SLC8A3: variants seen among roughly 807,000 people sequenced by gnomAD.
SLC8A3 encodes sodium/calcium exchanger 3.
SLC8A3 carries 37 observed loss-of-function variants against 65.4 expected under a neutral mutation model. The observed-to-expected ratio is 0.57, with a 90% CI of 0.44 to 0.74. The LOEUF is 0.74. SLC8A3 is among the 30% of genes least tolerant of loss of function. The pLI, the probability that SLC8A3 is intolerant of heterozygous loss-of-function variation, is 0.00. For missense variants in SLC8A3, 1,112 were observed against 1,172.1 expected, an observed-to-expected ratio of 0.95 and a Z score of 0.75; for synonymous variants, 461 against 444.5, an observed-to-expected ratio of 1.04 and a Z score of -0.47.
chr14:70,106,401 G>A (rs1321534984), intron 2 of SLC8A3, among the ~76,000 whole-genome samples: 1 of 152,080 alleles, frequency 6.6e-6, no homozygotes. Flanking sequence ...TTGGATCTAA[G>A]TTTTATTGTA....
intron 2 of SLC8A3, among the ~76,000 whole-genome samples, chr14:70,095,520 G>A (rs941847948): frequency 5.9e-5 from 9 of 152,108 alleles, no homozygotes; most frequent in African/African-American, 1.4e-4. Context: ...CTTCCTTCCC[G>A]GCCTCCTTGC....
At chr14:70,095,943 G>A (rs8013996) in intron 2 of SLC8A3, among the ~76,000 whole-genome samples, 90 of 151,968 alleles carry the variant, frequency 5.9e-4, no homozygotes, top group African/African-American at 1.8e-3. Flanking sequence ...GTGCAGTGGC[G>A]CAATCTCTGC....
At chr14:70,138,021 G>A (rs1432507003) in intron 2 of SLC8A3, among the ~76,000 whole-genome samples, 2 of 152,086 alleles carry the variant, frequency 1.3e-5, no homozygotes, top group Non-Finnish European at 2.9e-5. Flanking sequence ...CACTCCCCAG[G>A]GAGGGAAAAT....
intron 2 of SLC8A3, among the ~76,000 whole-genome samples, chr14:70,144,681 T>C (rs770377675): frequency 6.6e-6 from 1 of 151,768 alleles, no homozygotes; most frequent in Non-Finnish European, 1.5e-5. Context: ...GCTCCAAACA[T>C]ATCTCCAAAA....
chr14:70,084,633 T>C (rs1891294228), intron 2 of SLC8A3, among the ~76,000 whole-genome samples: 1 of 152,172 alleles, frequency 6.6e-6, no homozygotes, highest in South Asian at 2.1e-4. Context: ...AGAGGGAATG[T>C]GGTGTTTTGG....
At chr14:70,126,545 A>C (rs922468176) in intron 2 of SLC8A3, among the ~76,000 whole-genome samples, 1 of 73,302 alleles carries the variant, frequency 1.4e-5, no homozygotes, top group Non-Finnish European at 3.1e-5. Context: ...GAAGAAAGAA[A>C]ATTCTCTCTC....
intron 2 of SLC8A3, among the ~76,000 whole-genome samples, chr14:70,083,569 C>A (rs1476984453): frequency 6.6e-6 from 1 of 152,218 alleles, no homozygotes; most frequent in South Asian, 2.1e-4. Context: ...TTGTTGCCTA[C>A]TATCAACTTC....
intron 2 of SLC8A3, among the ~76,000 whole-genome samples, chr14:70,117,173 C>T (rs1893726582): frequency 6.6e-6 from 1 of 152,344 alleles, no homozygotes; most frequent in East Asian, 1.9e-4. Context: ...TCTTGGTGCC[C>T]AATGTGGCTG....
At chr14:70,133,170 C>T (rs1309147464) in intron 2 of SLC8A3, among the ~76,000 whole-genome samples, 1 of 152,050 alleles carries the variant, frequency 6.6e-6, no homozygotes, top group Non-Finnish European at 1.5e-5. Flanking sequence ...GGCTTGGTAC[C>T]TGTAATAAAA....
chr14:70,046,034 G>A lies in SLC8A3; in HGVS notation c.2679C>T (p.Leu893=), dbSNP rs1179509835. Residue 893 remains leucine (L), a synonymous_variant, in exon 7 of 7, where the codon CTC becomes CTT. Coordinates refer to ENST00000356921, the MANE Select transcript of SLC8A3 (RefSeq NM_182932.3). This position sits in a 1 kb window ranked among gnomAD's most constrained non-coding sequence, Gnocchi z 4.2. ...GGCTCACAAAGAGCCATGTTGTGGC[G>A]AGCTTGCAGCCACGGGGGCCACCAA... The part of the protein sequence containing the change: ...GELGGPRGCK[L]ATTWLFVSLW... 8 of 1,613,724 alleles carry A rather than the reference G, an allele frequency of 5.0e-6. No individual in the cohort carries two copies. Among genetic ancestry groups the A allele is most frequent in the South Asian group, 1.1e-5 (1 of 91,036 alleles).
At chr14:70,063,498 G>A (rs1889053478) in intron 2 of SLC8A3, among the ~76,000 whole-genome samples, 1 of 152,204 alleles carries the variant, frequency 6.6e-6, no homozygotes, top group Non-Finnish European at 1.5e-5. Context: ...GAAGCCAAGA[G>A]CCGCACATGA....
chr14:70,159,230 A>C (rs887948056), intron 2 of SLC8A3, among the ~76,000 whole-genome samples: 3 of 152,040 alleles, frequency 2.0e-5, no homozygotes, highest in African/African-American at 7.2e-5. Flanking sequence ...CCAACATGGC[A>C]AAACCCCGTC....
At chr14:70,051,668 T>C (rs1887521595) in intron 4 of SLC8A3, among the ~76,000 whole-genome samples, 2 of 152,218 alleles carry the variant, frequency 1.3e-5, no homozygotes, top group African/African-American at 4.8e-5. Context: ...ATGATGTTAA[T>C]ATATCTTGCC....
chr14:70,084,462 A>T (rs565120756), intron 2 of SLC8A3, among the ~76,000 whole-genome samples: 1 of 152,190 alleles, frequency 6.6e-6, no homozygotes, highest in Admixed American at 6.5e-5. Context: ...AGCCAAGCTG[A>T]ACACATTTTT....
chr14:70,150,706 C>T (rs1896213237), intron 2 of SLC8A3, among the ~76,000 whole-genome samples: 1 of 152,174 alleles, frequency 6.6e-6, no homozygotes, highest in Admixed American at 6.5e-5. Flanking sequence ...AGGTAACATG[C>T]CTGCATTTTG....
chr14:70,184,966 C>CTTTTTTTTTTTTTTTTTTT (rs11337843), intron 1 of SLC8A3, among the ~76,000 whole-genome samples: 1 of 108,648 alleles, frequency 9.2e-6, no homozygotes, highest in Non-Finnish European at 2.0e-5. Flanking sequence ...TTTTTCTTTT[C>CTTTTTTTTTTTTTTTTTTT]TTTTTTTTTT....
chr14:70,144,450 C>G (rs974901958), intron 2 of SLC8A3, among the ~76,000 whole-genome samples: 1 of 149,866 alleles, frequency 6.7e-6, no homozygotes, highest in African/African-American at 2.5e-5. Flanking sequence ...GCCAACAGGG[C>G]AAAACCCCAT....
chr14:70,055,769 A>G, intron 3 of SLC8A3: 1 of 1,598,864 alleles, frequency 6.3e-7, no homozygotes, highest in Non-Finnish European at 8.5e-7. Flanking sequence ...AAGTGGAAAG[A>G]AAAGAGGGGG....
At position 70,045,468 on chromosome 14, in the gene SLC8A3, T is replaced by C. The variant is rs1033363914; in HGVS notation, c.*479A>G. ...GGCAAAACGAAAGCAACCACAATAA[T>C]GATTACAATGAAAAAAGAACCCCAC... On this transcript the variant is annotated 3_prime_UTR_variant, in exon 7 of 7. Coordinates refer to ENST00000356921, the MANE Select transcript of SLC8A3 (RefSeq NM_182932.3). 1.3e-5 allele frequency: 2 copies of C among 152,910 alleles called. No individual in the cohort carries two copies. The highest frequency in any genetic ancestry group is 2.9e-5 in the Non-Finnish European group (2 of 68,646). 9.5% of individuals were successfully genotyped at this position (152,910 alleles called of 1,614,324 possible). A position where few individuals can be genotyped will look rare whatever the true frequency, so the allele number is the denominator to read the frequency against.
Sources: gnomAD v4.1 joint callset for allele counts (sites outside exome capture counted in the v4.1 genomes callset) on GRCh38, gnomAD v4.1.1 for gene constraint, Gnocchi (gnomAD v3.1) non-coding constraint, MANE v1.5 for transcripts, NCBI Gene and HGNC (gene_info 2026-07-23, HGNC 2026-07-21) for gene names.